The following ADHFE1 variants were observed in gnomAD, a reference collection of about 807,000 sequenced individuals.
ADHFE1 encodes alcohol dehydrogenase iron containing 1, also known as hydroxyacid-oxoacid transhydrogenase, mitochondrial.
ADHFE1 carries 37 observed loss-of-function variants against 54.8 expected under a neutral mutation model. The observed-to-expected ratio is 0.68, with a 90% CI of 0.52 to 0.89. The LOEUF (loss-of-function observed/expected upper bound fraction) is 0.89, where lower values mean the gene tolerates loss of function less well. Ranked by LOEUF, ADHFE1 falls within the 40% of genes least tolerant of loss-of-function variation. The pLI is 0.00. For missense variants in ADHFE1, 601 were observed against 591.2 expected (o/e 1.02, Z -0.17); for synonymous variants, 203 against 229.3 (o/e 0.89, Z 1.04).
At chr8:66,460,510 G>T in intron 13 of ADHFE1, 45 bp downstream of exon 13, 3 of 1,520,414 alleles carry the variant, frequency 2.0e-6, no homozygotes, top group Non-Finnish European at 1.8e-6. Flanking sequence ...GGAGCCTAGC[G>T]CCTCCAGAAA....
intron 10 of ADHFE1, 139 bp from the exon 11 acceptor site, chr8:66,456,678 A>G (rs1806603835): frequency 1.7e-6 from 1 of 603,916 alleles, no homozygotes; most frequent in Non-Finnish European, 2.9e-6. Flanking sequence ...CTTATATCCA[A>G]GAAAACAGAA....
At chr8:66,444,560 T>G (rs776857496) in intron 4 of ADHFE1, 34 bp from the exon 5 acceptor site, 39 of 1,613,180 alleles carry the variant, frequency 2.4e-5, no homozygotes, top group Non-Finnish European at 3.1e-5. Flanking sequence ...GCAGTTCTAG[T>G]GGAGTTGAAC....
chr8:66,444,250 C>T (rs1805912643), intron 3 of ADHFE1, 117 bp from the exon 4 acceptor site: 10 of 878,016 alleles, frequency 1.1e-5, no homozygotes, highest in Non-Finnish European at 3.6e-6. Context: ...CCTGGAAGAC[C>T]ATGCTAAGGA....
chr8:66,450,596 T>C (rs1806250345), intron 8 of ADHFE1, among the ~76,000 whole-genome samples: 1 of 152,264 alleles, frequency 6.6e-6, no homozygotes, highest in Non-Finnish European at 1.5e-5. Context: ...TGATGTCTGC[T>C]TAGCAGTTAT....
chr8:66,461,398 G>A (rs537480698), intron 13 of ADHFE1, among the ~76,000 whole-genome samples: 1 of 152,232 alleles, frequency 6.6e-6, no homozygotes, highest in South Asian at 2.1e-4. Context: ...CAGCCTGCTT[G>A]CCACAAGTGC....
intron 9 of ADHFE1, chr8:66,453,797 G>A (rs1586470442): frequency 1.0e-5 from 15 of 1,433,216 alleles, no homozygotes; most frequent in East Asian, 7.1e-5. Context: ...GGACCAGCGC[G>A]TTGCCTCCCC....
intron 3 of ADHFE1, among the ~76,000 whole-genome samples, chr8:66,443,605 G>C (rs530475124): frequency 6.6e-6 from 1 of 152,000 alleles, no homozygotes; most frequent in African/African-American, 2.4e-5. Context: ...AAATGTCACC[G>C]GGGGCCTGAC....
At chr8:66,457,771 T>TTAC (rs55990036) in intron 12 of ADHFE1, among the ~76,000 whole-genome samples, 5 of 30,954 alleles carry the variant, frequency 1.6e-4, no homozygotes, top group African/African-American at 6.1e-4. Flanking sequence ...GTATTGAGAG[T>TTAC]ATTTGTAGTA....
rs191502934 is a variant in ADHFE1, at chr8:66,465,430, G to A, written c.1321-2839G>A. 2.0e-5 allele frequency among the ~76,000 whole-genome samples: 3 copies of A among 152,204 alleles called. No homozygotes were observed. In the East Asian group the frequency reaches 5.8e-4, roughly 29 times the overall value. Reference sequence around the variant, plus strand: ...ATAGCCATTCTAATGGTGTGAAGTGGTATCTTATTGTTTTGATTTGCATTT... The same window carrying A: ...ATAGCCATTCTAATGGTGTGAAGTGATATCTTATTGTTTTGATTTGCATTT... On this transcript the variant is annotated intron_variant, in intron 13 of 13. Transcript: ENST00000396623.
chr8:66,439,752 G>C lies in ADHFE1; in HGVS notation c.60-410G>C. 2.0e-6 allele frequency: 2 copies of C among 1,015,732 alleles called. No individual in the cohort carries two copies. The highest frequency in any genetic ancestry group is 2.4e-6 in the Non-Finnish European group (2 of 849,674). 62.9% of individuals were successfully genotyped at this position (1,015,732 alleles called of 1,614,324 possible). On this transcript the variant is annotated intron_variant, in intron 1 of 13. Transcript: ENST00000396623. The surrounding 1 kb of genome is among the most constrained non-coding windows in gnomAD (Gnocchi z 4.4). ...ATATATAAGGCAAGTTCCCAGCATA[G>C]GGTAGTAAGTAAGAAGAGGCACACA... is the stretch of plus-strand genomic sequence containing the variant.
intron 1 of ADHFE1, among the ~76,000 whole-genome samples, chr8:66,435,364 A>G (rs1459490267): frequency 6.6e-6 from 1 of 152,152 alleles, no homozygotes; most frequent in Non-Finnish European, 1.5e-5. Flanking sequence ...CCTCTTGAGT[A>G]AGGCTCAGAG....
intron 2 of ADHFE1, among the ~76,000 whole-genome samples, chr8:66,441,526 AAT>A (rs1380467983): frequency 6.6e-6 from 1 of 152,214 alleles, no homozygotes; most frequent in African/African-American, 2.4e-5. Context: ...GAAAAAGCAT[AAT>A]GAAAATTGTT....
intron 13 of ADHFE1, among the ~76,000 whole-genome samples, chr8:66,466,852 C>T (rs749899774): frequency 2.4e-4 from 37 of 152,146 alleles, no homozygotes; most frequent in Non-Finnish European, 4.9e-4. Flanking sequence ...GCAGGGTCAA[C>T]GTTAGCATAT....
chr8:66,438,450 A>T (rs966589156), intron 1 of ADHFE1, among the ~76,000 whole-genome samples: 5 of 152,178 alleles, frequency 3.3e-5, no homozygotes, highest in Admixed American at 2.6e-4. Flanking sequence ...AGCCCAGACA[A>T]GTAGGGGTCC....
chr8:66,461,254 C>A (rs1028006489), intron 13 of ADHFE1, among the ~76,000 whole-genome samples: 2 of 152,124 alleles, frequency 1.3e-5, no homozygotes, highest in Non-Finnish European at 2.9e-5. Context: ...CTCCTTTAGT[C>A]CTCTTGGCCA....
At chr8:66,447,135 T>G in intron 6 of ADHFE1, 129 bp from the exon 7 acceptor site, 1 of 633,532 alleles carries the variant, frequency 1.6e-6, no homozygotes, top group South Asian at 2.2e-5. Flanking sequence ...AATTCATATA[T>G]ATCATGCAAA....
intron 1 of ADHFE1, among the ~76,000 whole-genome samples, chr8:66,438,425 A>G (rs1805572296): frequency 6.6e-6 from 1 of 152,214 alleles, no homozygotes; most frequent in Non-Finnish European, 1.5e-5. Flanking sequence ...AGCCAGTAAA[A>G]GAACAATTAG....
In ADHFE1 at chr8:66,442,856, C is replaced by G; in HGVS notation, c.144+12C>G. The G allele has an allele frequency of 3.8e-6, 6 of 1,564,748 alleles. No individual in the cohort carries two copies. Among genetic ancestry groups the G allele is most frequent in the Non-Finnish European group, 5.2e-6 (6 of 1,160,144 alleles). ...ATTATGCCTTTGAGGTATATTCACT[C>G]AATCCATTATTTCTTTTATGAATGA... On this transcript the variant is annotated intron_variant, in intron 3 of 13. Coordinates refer to ENST00000396623, the MANE Select transcript of ADHFE1 (RefSeq NM_144650.3).
intron 1 of ADHFE1, among the ~76,000 whole-genome samples, chr8:66,433,425 G>A (rs1476578303): frequency 1.3e-5 from 2 of 152,164 alleles, no homozygotes; most frequent in Non-Finnish European, 1.5e-5. Context: ...TAGCTAATAC[G>A]ATGAGCCCGG....
Sources: allele counts gnomAD v4.1 joint callset (sites outside exome capture counted in the v4.1 genomes callset), GRCh38; gene constraint gnomAD v4.1.1; non-coding constraint Gnocchi (gnomAD v3.1); transcripts MANE v1.5; gene names NCBI Gene and HGNC (gene_info 2026-07-23, HGNC 2026-07-21).